Variants in DNAH5 observed in about 807,000 individuals in gnomAD.
DNAH5 encodes the protein axonemal beta dynein heavy chain 5.
A neutral mutation model predicts 518.2 loss-of-function variants in DNAH5; 372 were observed. That is an observed-to-expected ratio of 0.72 (90% confidence interval 0.66 to 0.78). The LOEUF (loss-of-function observed/expected upper bound fraction) is 0.78, where lower values mean the gene tolerates loss of function less well. Among genes scored for constraint, DNAH5 ranks in the 30% least tolerant of loss-of-function variants. DNAH5 has a pLI of 0.00. For synonymous variants in DNAH5, 2,039 were observed against 2,025.9 expected (o/e 1.01, Z -0.17); for missense variants, 5,523 against 5,687.0 (o/e 0.97, Z 0.93).
At chr5:13,817,178 T>C (rs1328549654) in intron 42 of DNAH5, among the ~76,000 whole-genome samples, 1 of 152,222 alleles carries the variant, frequency 6.6e-6, no homozygotes, top group African/African-American at 2.4e-5. Context: ...AATCAATTCT[T>C]TAAAAATAGG....
At chr5:13,918,834 A>G (rs1776938146) in intron 7 of DNAH5, among the ~76,000 whole-genome samples, 1 of 152,182 alleles carries the variant, frequency 6.6e-6, no homozygotes, top group Non-Finnish European at 1.5e-5. Context: ...TACAAGGACT[A>G]AAAAATAAAT....
chr5:13,850,086 A>T (rs72732657), intron 31 of DNAH5, among the ~76,000 whole-genome samples: 2,740 of 152,316 alleles, frequency 0.018, 42 homozygotes, highest in Middle Eastern at 0.037. Flanking sequence ...GCTTGAGTTT[A>T]ACTTCCTTAA....
At chr5:13,797,709 T>C (rs973325997) in intron 47 of DNAH5, among the ~76,000 whole-genome samples, 14 of 152,166 alleles carry the variant, frequency 9.2e-5, no homozygotes, top group Non-Finnish European at 2.1e-4. Flanking sequence ...ACTGGGCATA[T>C]ACCAAAAGGA....
chr5:13,915,518 T>C (rs1427548151), intron 9 of DNAH5, among the ~76,000 whole-genome samples: 2 of 152,068 alleles, frequency 1.3e-5, no homozygotes, highest in Non-Finnish European at 2.9e-5. Flanking sequence ...CCCTAACATA[T>C]AATTTTAACG....
Position 13,752,244 on chromosome 5 carries a change from T to C in DNAH5, c.10918A>G (p.Ser3640Gly). The change falls in exon 64 of 79, where the codon AGC (serine) becomes GGC (glycine). Residue 3640 changes from serine (S) to glycine (G), a missense_variant. By Grantham distance (56) the Ser-to-Gly change is moderately conservative. Around this residue, in one of 3 missense-constraint regions of DNAH5, gnomAD observed 5,121 missense variants for 5,223.3 expected, o/e 0.98. Coordinates refer to ENST00000265104, the MANE Select transcript of DNAH5 (RefSeq NM_001369.3). Reference protein sequence around the residue: ...HKYFRNHLEDSLSLGRPLLIE... With the variant: ...HKYFRNHLEDGLSLGRPLLIE... ...AGCAAAGGCCTTCCAAGAGAAAGGC[T>C]GTCTTCCAGGTGGTTTCTGAAGTAC... 2 of 1,614,088 alleles carry C rather than the reference T, an allele frequency of 1.2e-6. No homozygotes were observed. Among genetic ancestry groups the C allele is most frequent in the Non-Finnish European group, 1.7e-6 (2 of 1,179,960 alleles).
chr5:13,954,615 G>A (rs988095065), intron 1 of DNAH5, among the ~76,000 whole-genome samples: 2 of 152,212 alleles, frequency 1.3e-5, no homozygotes, highest in African/African-American at 2.4e-5. Context: ...GAAAGTGAGC[G>A]AGAGCAGGCC....
intron 65 of DNAH5, among the ~76,000 whole-genome samples, chr5:13,740,570 T>C (rs1399366798): frequency 6.6e-6 from 1 of 152,212 alleles, no homozygotes; most frequent in Non-Finnish European, 1.5e-5. Flanking sequence ...GCTTGTGCTG[T>C]AGGCCTGGAA....
chr5:13,773,882 A>G (rs1172218835), intron 55 of DNAH5, among the ~76,000 whole-genome samples: 65 of 151,530 alleles, frequency 4.3e-4, no homozygotes, highest in Admixed American at 4.3e-3. Context: ...GTGGGGAGAA[A>G]TAGGAGGAGG....
chr5:13,783,085 T>C (rs1166493566), intron 52 of DNAH5, among the ~76,000 whole-genome samples: 1 of 152,134 alleles, frequency 6.6e-6, no homozygotes, highest in Non-Finnish European at 1.5e-5. Context: ...GGGTGAGGTA[T>C]GTCTTAGGTG....
chr5:13,901,452 G>C lies in DNAH5; in HGVS notation c.1852C>G (p.Arg618Gly), dbSNP rs778780449. 5.0e-6 allele frequency: 8 copies of C among 1,613,852 alleles called. No homozygotes were observed. The highest frequency in any genetic ancestry group is 1.6e-4 in the Middle Eastern group (1 of 6,082). The change falls in exon 14 of 79, where the codon CGA becomes GGA. Residue 618 changes from arginine to glycine, a missense_variant. Physicochemically the swap from Arg to Gly is moderately radical, Grantham distance 125. Transcript: ENST00000265104. ...TTTCCAGCGATGGGAGGCTGGTTTC[G>C]AGCCAGAGGAGGATCGTATTTCTGC... ...TKQKYDPPLA[R>G]NQPPIAGKIL...
chr5:13,694,406 G>A lies in DNAH5; in HGVS notation c.13724-2271C>T, dbSNP rs1741088241. Among the ~76,000 whole-genome samples the A allele has an allele frequency of 2.0e-5, 3 of 152,286 alleles. No individual in the cohort carries two copies. The South Asian group carries it at 6.2e-4, about 32-fold the overall frequency. Reference sequence around the variant, plus strand: ...TGATAGATGCTAAACAACTACATAAGCAGATGATTCGAAACCATCCCCCTG... The same window carrying A: ...TGATAGATGCTAAACAACTACATAAACAGATGATTCGAAACCATCCCCCTG... On this transcript the variant is annotated intron_variant, in intron 78 of 78. Transcript: ENST00000265104.
Position 13,714,640 on chromosome 5 carries a change from G to A in DNAH5, c.12910-20C>T. ...CAAACTCTGAACAACAGACACCCCA[G>A]ATAAGCACAGACTGCCAACATAAGC... On this transcript the variant is annotated intron_variant, in intron 74 of 78. Coordinates refer to ENST00000265104, the MANE Select transcript of DNAH5 (RefSeq NM_001369.3). 1 of 1,611,790 alleles carries A rather than the reference G, an allele frequency of 6.2e-7. No homozygotes were observed. The highest frequency in any genetic ancestry group is 2.2e-5 in the East Asian group (1 of 44,828).
chr5:13,778,596 A>AGAAAGAAAGAAAG (rs1554044722), intron 53 of DNAH5, among the ~76,000 whole-genome samples: 1 of 102,152 alleles, frequency 9.8e-6, no homozygotes, highest in African/African-American at 3.7e-5. Flanking sequence ...GAAAGAAAGA[A>AGAAAGAAAGAAAG]AGAGAGAGAG....
At chr5:13,754,072 C>T in intron 62 of DNAH5, 131 bp downstream of exon 62, 2 of 1,063,516 alleles carry the variant, frequency 1.9e-6, no homozygotes, top group East Asian at 2.4e-5. Context: ...TACATGCGCA[C>T]AATGTGCGGG....
chr5:13,778,545 A>AGAAG (rs1754495059), intron 53 of DNAH5, among the ~76,000 whole-genome samples: 1 of 51,766 alleles, frequency 1.9e-5, no homozygotes, highest in Non-Finnish European at 4.0e-5. Flanking sequence ...GAGAGAAGAA[A>AGAAG]GAAAGAAAGA....
At chr5:13,940,185 C>T (rs1338808651) in intron 1 of DNAH5, among the ~76,000 whole-genome samples, 2 of 152,126 alleles carry the variant, frequency 1.3e-5, no homozygotes, top group Admixed American at 6.5e-5. Flanking sequence ...CTCACCTCCC[C>T]CGACATTCCA....
chr5:13,825,793 T>A (rs983883746), intron 38 of DNAH5, among the ~76,000 whole-genome samples: 2 of 152,174 alleles, frequency 1.3e-5, no homozygotes, highest in African/African-American at 2.4e-5. Context: ...TTTCACAACA[T>A]TGTGAATATA....
chr5:13,796,078 C>T (rs932224650), intron 47 of DNAH5, among the ~76,000 whole-genome samples: 22 of 152,134 alleles, frequency 1.4e-4, no homozygotes, highest in Non-Finnish European at 2.8e-4. Context: ...GTATGACAAA[C>T]CCACAGCCAA....
At chr5:13,965,896 T>C (rs927801911) in intron 1 of DNAH5, among the ~76,000 whole-genome samples, 1 of 152,180 alleles carries the variant, frequency 6.6e-6, no homozygotes, top group Non-Finnish European at 1.5e-5. Flanking sequence ...GGTGTAACCA[T>C]AGATACCACT....
Sources: gnomAD v4.1 joint callset for allele counts (sites outside exome capture counted in the v4.1 genomes callset) on GRCh38, gnomAD v4.1.1 for gene constraint, gnomAD v4.1.1 regional missense constraint, MANE v1.5 for transcripts, NCBI Gene and HGNC (gene_info 2026-07-23, HGNC 2026-07-21) for gene names.